BLM: variants seen among roughly 807,000 people sequenced by gnomAD.
BLM encodes recQ-like DNA helicase BLM.
A neutral mutation model predicts 135.3 loss-of-function variants in BLM; 95 were observed. The ratio of observed to expected loss-of-function variants is 0.70; its 90% confidence interval spans 0.59 to 0.83. The LOEUF is 0.83. Ranked by LOEUF, BLM falls within the 40% of genes least tolerant of loss-of-function variation. The pLI is 0.00. For synonymous variants in BLM, 520 were observed against 589.2 expected, an observed-to-expected ratio of 0.88 and a Z score of 1.70; for missense variants, 1,518 against 1,663.9, an observed-to-expected ratio of 0.91 and a Z score of 1.53.
intron 21 of BLM, among the ~76,000 whole-genome samples, chr15:90,812,903 T>C (rs1324232494): frequency 3.9e-5 from 6 of 152,248 alleles, no homozygotes. Flanking sequence ...GATCAGTAAG[T>C]GCTCTTCAGT....
At position 90,765,319 on chromosome 15, in the gene BLM, C is replaced by T. The variant is rs367543028; in HGVS notation, c.2098C>T (p.Gln700Ter). Residue 700 changes from glutamine to a stop codon, truncating the protein, a stop_gained, in exon 9 of 22, where the codon CAG becomes TAG. Transcript: ENST00000355112. LOFTEE classifies it high-confidence loss of function. ...AGGAGGTGGTAAGAGTTTGTGTTAC[C>T]AGCTCCCTGCCTGTGTTTCTCCTGG... is the stretch of plus-strand genomic sequence containing the variant. Reference protein sequence around the residue: ...PTGGGKSLCYQLPACVSPGVT... With the variant: ...PTGGGKSLCY 28 of 1,612,766 alleles carry T rather than the reference C, an allele frequency of 1.7e-5. No individual in the cohort carries two copies. Among genetic ancestry groups the T allele is most frequent in the Non-Finnish European group, 2.3e-5 (27 of 1,179,002 alleles).
intron 12 of BLM, among the ~76,000 whole-genome samples, chr15:90,780,333 T>C (rs1388803413): frequency 6.6e-6 from 1 of 152,248 alleles, no homozygotes; most frequent in Non-Finnish European, 1.5e-5. Flanking sequence ...TCTGCCCGCC[T>C]TGGCCTCCCA....
rs749010178 is a variant in BLM, at chr15:90,806,322, C to G, written c.3751+1963C>G. On this transcript the variant is annotated intron_variant, in intron 19 of 21. Transcript: ENST00000355112. ...GGTCAGGAGTTCGAGACTAGCCTGG[C>G]CAACATGGTAAAACCCCGTCTCTAC... is the stretch of plus-strand genomic sequence containing the variant. 4.9e-4 allele frequency among the ~76,000 whole-genome samples: 74 copies of G among 152,078 alleles called. 1 individual carries two copies. The highest frequency in any genetic ancestry group is 2.1e-4 in the Non-Finnish European group (14 of 68,024).
chr15:90,787,689 C>T (rs1320492846), intron 14 of BLM, among the ~76,000 whole-genome samples: 1 of 152,172 alleles, frequency 6.6e-6, no homozygotes, highest in East Asian at 1.9e-4. Flanking sequence ...TGGCTCACCC[C>T]TGTAATCCCA....
Position 90,754,696 on chromosome 15 carries a change from CT to C in BLM, c.960-111del, listed in dbSNP as rs1050706989. 7 of 1,194,372 alleles carry C rather than the reference CT, an allele frequency of 5.9e-6. No homozygotes were observed. The African/African-American group carries it at 1.1e-4, about 19-fold the overall frequency. The allele number at this position is 1,194,372 out of a possible 1,614,324, so 74.0% of individuals were successfully genotyped here. ...TGAGGAAATTTAAAAAACTACTTCT[CT>C]TTTCTGTTATATATTGTCTGATCAG... On this transcript the variant is annotated intron_variant, in intron 4 of 21. Transcript: ENST00000355112.
chr15:90,732,561 C>A (rs555720701), intron 1 of BLM, among the ~76,000 whole-genome samples: 1 of 138,514 alleles, frequency 7.2e-6, no homozygotes. Flanking sequence ...TGAAAATTAA[C>A]GAAATGAAAA....
intron 1 of BLM, among the ~76,000 whole-genome samples, chr15:90,740,982 G>C (rs545959238): frequency 6.6e-6 from 1 of 152,124 alleles, no homozygotes. Flanking sequence ...ACTAGAACAC[G>C]TGGTGACTAT....
intron 19 of BLM, among the ~76,000 whole-genome samples, chr15:90,804,610 C>T (rs1223573564): frequency 1.3e-5 from 2 of 151,988 alleles, no homozygotes; most frequent in Non-Finnish European, 2.9e-5. Flanking sequence ...ACTACAGGTA[C>T]ACACCAGCAT....
chr15:90,778,995 T>C (rs991226064), intron 12 of BLM, among the ~76,000 whole-genome samples: 9 of 151,604 alleles, frequency 5.9e-5, no homozygotes, highest in Non-Finnish European at 1.0e-4. Context: ...AAGTGATTCT[T>C]CTGCCTCAGC....
chr15:90,778,993 C>G (rs958842208), intron 12 of BLM, among the ~76,000 whole-genome samples: 1 of 151,586 alleles, frequency 6.6e-6, no homozygotes, highest in Non-Finnish European at 1.5e-5. Context: ...TCAAGTGATT[C>G]TTCTGCCTCA....
intron 1 of BLM, 116 bp from the exon 2 acceptor site, chr15:90,747,273 C>G: frequency 2.4e-6 from 1 of 418,496 alleles, no homozygotes; most frequent in Non-Finnish European, 4.7e-6. Flanking sequence ...AGTCCTATTA[C>G]TCTGGGCACA....
At position 90,759,798 on chromosome 15, in the gene BLM, G is replaced by A. The variant is rs143145117; in HGVS notation, c.1088-349G>A. Among the ~76,000 whole-genome samples the A allele has an allele frequency of 9.1e-3, 1,381 of 151,764 alleles. 21 individuals are homozygous for A. Among genetic ancestry groups the A allele is most frequent in the African/African-American group, 0.031 (1,302 of 41,380 alleles). On this transcript the variant is annotated intron_variant, in intron 5 of 21. Transcript: ENST00000355112. Reference sequence around the variant, plus strand: ...ATTTTTATATTATTAGTAAAGACGGGGTTTCACCACATTGGCCAGGCTGGT... The same window carrying A: ...ATTTTTATATTATTAGTAAAGACGGAGTTTCACCACATTGGCCAGGCTGGT...
chr15:90,752,183 T>A lies in BLM; in HGVS notation c.959+237T>A, dbSNP rs574910148. Among the ~76,000 whole-genome samples the A allele has an allele frequency of 1.1e-4, 16 of 151,720 alleles. No homozygotes were observed. In the South Asian group the frequency reaches 3.3e-3, roughly 31 times the overall value. On this transcript the variant is annotated intron_variant, in intron 4 of 21. Coordinates refer to ENST00000355112, the MANE Select transcript of BLM (RefSeq NM_000057.4). ...TTCAAACAATTTTAGGTAGCTGATT[T>A]TTTTTTTTTTTTGAGACAGTCTCGC...
intron 2 of BLM, among the ~76,000 whole-genome samples, chr15:90,747,932 C>T (rs1423835579): frequency 6.6e-6 from 1 of 151,950 alleles, no homozygotes; most frequent in East Asian, 1.9e-4. Context: ...CTCAGCCTCC[C>T]GAGTAGCTGG....
chr15:90,740,315 T>A (rs1001964229), intron 1 of BLM, among the ~76,000 whole-genome samples: 1 of 152,238 alleles, frequency 6.6e-6, no homozygotes, highest in Non-Finnish European at 1.5e-5. Context: ...ACATTTCATA[T>A]AAATGGAATC....
At chr15:90,794,139 G>A (rs1463261036) in intron 15 of BLM, 28 bp from the exon 16 acceptor site, 3 of 1,525,520 alleles carry the variant, frequency 2.0e-6, no homozygotes, top group South Asian at 1.2e-5. Flanking sequence ...CTATAAGTAT[G>A]TCTTACTATA....
chr15:90,796,097 C>T (rs11855054), intron 16 of BLM, among the ~76,000 whole-genome samples: 1,549 of 152,278 alleles, frequency 0.01, 20 homozygotes, highest in African/African-American at 0.035. Flanking sequence ...CCAGAGCAGT[C>T]AGTTGAGGGC....
intron 1 of BLM, among the ~76,000 whole-genome samples, chr15:90,728,202 A>G (rs1474889926): frequency 1.3e-5 from 2 of 151,498 alleles, no homozygotes; most frequent in Non-Finnish European, 2.9e-5. Context: ...ATGACCAACA[A>G]ATATTTGTAT....
rs756815062 is a variant in BLM at position 90,769,547 on chromosome 15, A to T, written c.2516A>T (p.Lys839Met). ...GCCACAGCTAATCCCAGGGTACAGAAGGACATCCTGACTCAGCTGAAGATT... is the reference window on the plus strand; with the variant it reads ...GCCACAGCTAATCCCAGGGTACAGATGGACATCCTGACTCAGCTGAAGATT... ...LTATANPRVQ[K>M]DILTQLKILR... The change falls in exon 12 of 22, where the codon AAG becomes ATG. Residue 839 changes from lysine to methionine, a missense_variant. Around this residue, in one of 5 missense-constraint regions of BLM, gnomAD observed 626 missense variants for 681.1 expected, o/e 0.92. Transcript: ENST00000355112. 6.2e-7 allele frequency: 1 copy of T among 1,614,110 alleles called. No homozygotes were observed. Among genetic ancestry groups the T allele is most frequent in the South Asian group, 1.1e-5 (1 of 91,082 alleles).
Sources: gnomAD v4.1 joint callset for allele counts (sites outside exome capture counted in the v4.1 genomes callset) on GRCh38, gnomAD v4.1.1 for gene constraint, gnomAD v4.1.1 regional missense constraint, MANE v1.5 for transcripts, NCBI Gene and HGNC (gene_info 2026-07-23, HGNC 2026-07-21) for gene names.